The following PGR variants were observed in gnomAD, a reference collection of about 807,000 sequenced individuals.
PGR encodes the protein nuclear receptor subfamily 3 group C member 3.
In PGR, 25 loss-of-function variants were observed where a neutral mutation model predicts 76.1. The ratio of observed to expected loss-of-function variants is 0.33; its 90% confidence interval spans 0.24 to 0.46. The LOEUF is 0.46. Among genes scored for constraint, PGR ranks in the 20% least tolerant of loss-of-function variants. PGR has a pLI of 1.00. For synonymous variants in PGR, 579 were observed against 535.0 expected, an observed-to-expected ratio of 1.08 and a Z score of -1.14; for missense variants, 1,172 against 1,225.3, an observed-to-expected ratio of 0.96 and a Z score of 0.65.
At position 101,129,623 on chromosome 11, in the gene PGR, G is replaced by A. The variant is rs1338452798; in HGVS notation, c.-553C>T. The stretch of plus-strand genomic sequence containing the variant: ...GTACAGCCCATTCCCAGGAAGGGTC[G>A]GACTTCTGCTGGCTCCGTACTGCGG... On this transcript the variant is annotated 5_prime_UTR_variant, in exon 1 of 8. It introduces an in-frame stop codon into an upstream open reading frame of the 5' UTR. Transcript: ENST00000325455. The A allele has an allele frequency of 5.5e-6, 1 of 182,640 alleles. No individual in the cohort carries two copies. Among genetic ancestry groups the A allele is most frequent in the Admixed American group, 6.3e-5 (1 of 15,964 alleles). The allele number at this position is 182,640 out of a possible 1,614,324, so 11.3% of individuals were successfully genotyped here.
At position 101,035,713 on chromosome 11, in the gene PGR, A is replaced by C. The variant is rs1442682621; in HGVS notation, c.*3403T>G. 21 of 232,108 alleles carry C rather than the reference A, an allele frequency of 9.0e-5. No individual in the cohort carries two copies. In the East Asian group the frequency reaches 1.3e-3, roughly 14 times the overall value. The allele number at this position is 232,108 out of a possible 1,614,324, so 14.4% of individuals were successfully genotyped here. On this transcript the variant is annotated 3_prime_UTR_variant, in exon 8 of 8. Transcript: ENST00000325455. The stretch of plus-strand genomic sequence containing the variant: ...TGATAGGCTCTTTAGAACTTTGATA[A>C]AACAGGCCCTAAACTCAAAACACTG...
chr11:101,107,596 T>C (rs1862205189), intron 2 of PGR, among the ~76,000 whole-genome samples: 1 of 152,120 alleles, frequency 6.6e-6, no homozygotes, highest in African/African-American at 2.4e-5. Context: ...TAAAAAACAT[T>C]AAAAAATTAC....
intron 7 of PGR, among the ~76,000 whole-genome samples, chr11:101,040,768 T>C (rs1239227784): frequency 6.6e-6 from 1 of 152,082 alleles, no homozygotes; most frequent in Non-Finnish European, 1.5e-5. Flanking sequence ...CCCTTTTTGT[T>C]AGAAAACTTG....
Position 101,038,175 on chromosome 11 carries a change from C to T in PGR, c.*941G>A, listed in dbSNP as rs1190697903. On this transcript the variant is annotated 3_prime_UTR_variant, in exon 8 of 8. Coordinates refer to ENST00000325455, the MANE Select transcript of PGR (RefSeq NM_000926.4). ...AAGGTATGTGAATTGATACCTCCCT[C>T]CTCCTCCTCTCCCTTTCTTCTTTCC... 5.2e-6 allele frequency: 1 copy of T among 191,734 alleles called. No individual in the cohort carries two copies. Among genetic ancestry groups the T allele is most frequent in the African/African-American group, 2.3e-5 (1 of 43,094 alleles). 11.9% of individuals were successfully genotyped at this position (191,734 alleles called of 1,614,324 possible).
chr11:101,034,061 G>T lies in PGR; in HGVS notation c.*5055C>A, dbSNP rs959146125. The stretch of plus-strand genomic sequence containing the variant: ...TAATAATCTGTGCATTTTCTTTACC[G>T]TAATGGACAGAGTATGCTTTCTTAG... On this transcript the variant is annotated 3_prime_UTR_variant, in exon 8 of 8. Coordinates refer to ENST00000325455, the MANE Select transcript of PGR (RefSeq NM_000926.4). 2 of 231,018 alleles carry T rather than the reference G, an allele frequency of 8.7e-6. No individual in the cohort carries two copies. The highest frequency in any genetic ancestry group is 1.1e-4 in the Admixed American group (2 of 17,686). The allele number at this position is 231,018 out of a possible 1,614,324, so 14.3% of individuals were successfully genotyped here.
chr11:101,128,824 C>A lies in PGR; in HGVS notation c.247G>T (p.Val83Leu), dbSNP rs1862993021. The part of the protein sequence containing the change: ...KTQDQQSLSD[V>L]EGAYSRAEAT... ...TCAGCTCTGGAATATGCGCCCTCCA[C>A]GTCCGACAGCGACTGCTGGTCCTGC... is the stretch of plus-strand genomic sequence containing the variant. The change falls in exon 1 of 8, where the codon GTG becomes TTG. Residue 83 changes from valine (V) to leucine (L), a missense_variant. Physicochemically the swap from Val to Leu is conservative, Grantham distance 32. Around this residue, in one of 4 missense-constraint regions of PGR, gnomAD observed 893 missense variants for 785.9 expected, o/e 1.14. Coordinates refer to ENST00000325455, the MANE Select transcript of PGR (RefSeq NM_000926.4). 1 of 1,614,170 alleles carries A rather than the reference C, an allele frequency of 6.2e-7. No homozygotes were observed. The highest frequency in any genetic ancestry group is 8.5e-7 in the Non-Finnish European group (1 of 1,180,038).
intron 4 of PGR, among the ~76,000 whole-genome samples, chr11:101,054,344 G>A (rs1281157131): frequency 1.3e-5 from 2 of 152,044 alleles, no homozygotes; most frequent in Non-Finnish European, 2.9e-5. Flanking sequence ...AAAATTTTTG[G>A]TATGCAAGTT....
At chr11:101,106,855 C>T (rs1862178355) in intron 2 of PGR, among the ~76,000 whole-genome samples, 1 of 152,144 alleles carries the variant, frequency 6.6e-6, no homozygotes, top group South Asian at 2.1e-4. Context: ...GCAAATGTGG[C>T]ACGTATACAC....
At chr11:101,113,009 T>G (rs1862387426) in intron 2 of PGR, among the ~76,000 whole-genome samples, 2 of 152,252 alleles carry the variant, frequency 1.3e-5, no homozygotes, top group African/African-American at 4.8e-5. Flanking sequence ...AGAACCTAAC[T>G]GAATTTTTTT....
chr11:101,105,740 A>G (rs11224593), intron 2 of PGR, among the ~76,000 whole-genome samples: 36,280 of 152,074 alleles, frequency 0.24, 4,976 homozygotes, highest in Non-Finnish European at 0.31. Flanking sequence ...TAAACTTCAT[A>G]TGGAACCAAA....
intron 6 of PGR, among the ~76,000 whole-genome samples, chr11:101,045,578 T>C (rs1859843455): frequency 6.6e-6 from 1 of 152,174 alleles, no homozygotes; most frequent in Non-Finnish European, 1.5e-5. Flanking sequence ...CTGAATTGTT[T>C]CACTTAAGAT....
chr11:101,125,944 A>C lies in PGR; in HGVS notation c.1789+63T>G, dbSNP rs554106136. 13 of 1,348,606 alleles carry C rather than the reference A, an allele frequency of 9.6e-6. No homozygotes were observed. The African/African-American group carries it at 1.1e-4, about 12-fold the overall frequency. The allele number at this position is 1,348,606 out of a possible 1,614,324, so 83.5% of individuals were successfully genotyped here. A position where few individuals can be genotyped will look rare whatever the true frequency, so the allele number is the denominator to read the frequency against. Reference sequence around the variant, plus strand: ...AACAAGGAATAATTGAAATCTATACAATATTAGATGGTCTCCATTTACAAT... The same window carrying C: ...AACAAGGAATAATTGAAATCTATACCATATTAGATGGTCTCCATTTACAAT... On this transcript the variant is annotated intron_variant, in intron 2 of 7. Coordinates refer to ENST00000325455, the MANE Select transcript of PGR (RefSeq NM_000926.4).
chr11:101,092,778 T>C (rs559700), intron 2 of PGR, among the ~76,000 whole-genome samples: 17,845 of 152,250 alleles, frequency 0.12, 1,360 homozygotes, highest in Non-Finnish European at 0.16. Context: ...TCTCTTTTTT[T>C]CCCAATAAAT....
intron 3 of PGR, among the ~76,000 whole-genome samples, chr11:101,073,435 A>G (rs895548093): frequency 6.6e-6 from 1 of 152,176 alleles, no homozygotes; most frequent in Non-Finnish European, 1.5e-5. Flanking sequence ...AAGCAAGAGC[A>G]AACAAATTCA....
At chr11:101,086,435 A>G (rs1184386117) in intron 3 of PGR, among the ~76,000 whole-genome samples, 1 of 152,174 alleles carries the variant, frequency 6.6e-6, no homozygotes, top group Non-Finnish European at 1.5e-5. Context: ...ACAAAGAAAT[A>G]TACCTAAAAA....
chr11:101,128,616 G>T lies in PGR; in HGVS notation c.455C>A (p.Pro152Gln), dbSNP rs2135517409. The T allele has an allele frequency of 6.3e-7, 1 of 1,589,656 alleles. No homozygotes were observed. Among genetic ancestry groups the T allele is most frequent in the East Asian group, 2.3e-5 (1 of 44,010 alleles). The change falls in exon 1 of 8, where the codon CCG becomes CAG. Residue 152 changes from proline to glutamine, a missense_variant. Physicochemically the swap from Pro to Gln is moderately conservative, Grantham distance 76. Coordinates refer to ENST00000325455, the MANE Select transcript of PGR (RefSeq NM_000926.4). ...LFGPELPEDP[P>Q]AAPATQRVLS... ...CACCCGCTGGGTGGCGGGGGCAGCC[G>T]GTGGATCTTCGGGAAGTTCGGGGCC...
At chr11:101,110,723 T>C (rs973013552) in intron 2 of PGR, among the ~76,000 whole-genome samples, 1 of 152,138 alleles carries the variant, frequency 6.6e-6, no homozygotes, top group Admixed American at 6.6e-5. Context: ...AGCTCTACTG[T>C]GGGTAAAACA....
intron 3 of PGR, among the ~76,000 whole-genome samples, chr11:101,068,729 C>A (rs1324220895): frequency 5.3e-5 from 8 of 150,598 alleles, no homozygotes; most frequent in Non-Finnish European, 1.5e-5. Context: ...CTACAACCAT[C>A]TGATCTTTGA....
chr11:101,068,873 T>C (rs1860817811), intron 3 of PGR, among the ~76,000 whole-genome samples: 1 of 152,166 alleles, frequency 6.6e-6, no homozygotes. Context: ...TAACTCAAGA[T>C]GGACTAAAGA....
Sources: gnomAD v4.1 joint callset for allele counts (sites outside exome capture counted in the v4.1 genomes callset) on GRCh38, gnomAD v4.1.1 for gene constraint, gnomAD v4.1.1 regional missense constraint, MANE v1.5 for transcripts, NCBI Gene and HGNC (gene_info 2026-07-23, HGNC 2026-07-21) for gene names.